Variants in PARP8 observed in about 807,000 individuals in gnomAD.
PARP8 encodes the protein protein mono-ADP-ribosyltransferase PARP8.
PARP8 carries 51 observed loss-of-function variants against 124.1 expected under a neutral mutation model. The ratio of observed to expected loss-of-function variants is 0.41; its 90% CI spans 0.33 to 0.52. The LOEUF is 0.52. PARP8 is among the 20% of genes least tolerant of loss of function. PARP8 has a pLI of 0.21. For missense variants in PARP8, 860 were observed against 1,018.9 expected, an observed-to-expected ratio of 0.84 and a Z score of 2.12; for synonymous variants, 391 against 361.5, an observed-to-expected ratio of 1.08 and a Z score of -0.93.
chr5:50,735,100 G>C (rs919231258), intron 2 of PARP8, among the ~76,000 whole-genome samples: 10 of 152,024 alleles, frequency 6.6e-5, no homozygotes, highest in African/African-American at 2.2e-4. Flanking sequence ...TGCTTCTCTT[G>C]TGTGTTAGTA....
chr5:50,695,080 A>G (rs906663301), intron 2 of PARP8, among the ~76,000 whole-genome samples: 2 of 152,176 alleles, frequency 1.3e-5, no homozygotes, highest in African/African-American at 2.4e-5. Flanking sequence ...CCACTGACTC[A>G]AATGTTCATC....
chr5:50,827,920 GT>G (rs778559044), intron 19 of PARP8, 23 bp from the exon 20 acceptor site: 3 of 1,505,202 alleles, frequency 2.0e-6, no homozygotes, highest in Non-Finnish European at 2.8e-6. Flanking sequence ...ACATGTTTTT[GT>G]TTGTCTTTAT....
At chr5:50,771,351 G>T (rs1280900655) in intron 7 of PARP8, among the ~76,000 whole-genome samples, 1 of 151,760 alleles carries the variant, frequency 6.6e-6, no homozygotes, top group African/African-American at 2.4e-5. Flanking sequence ...TAGAGACGGG[G>T]TTTCACCATG....
intron 20 of PARP8, 44 bp from the exon 21 acceptor site, chr5:50,828,268 T>C: frequency 6.4e-7 from 1 of 1,557,372 alleles, no homozygotes; most frequent in South Asian, 1.1e-5. Context: ...TTGAAGATAA[T>C]TAATTTTCTG....
intron 7 of PARP8, among the ~76,000 whole-genome samples, chr5:50,775,012 G>A (rs154133): frequency 0.1 from 15,666 of 150,400 alleles, 820 homozygotes; most frequent in South Asian, 0.16. Flanking sequence ...CGGCCAGGCA[G>A]AGACGCTCCT....
At position 50,845,210 on chromosome 5, in the gene PARP8, G is replaced by A. The variant is rs1313573736; in HGVS notation, c.*3142G>A. The A allele has an allele frequency of 4.6e-5, 7 of 151,516 alleles. No individual in the cohort carries two copies. Among genetic ancestry groups the A allele is most frequent in the Non-Finnish European group, 3.0e-5 (2 of 67,718 alleles). 9.4% of individuals were successfully genotyped at this position (151,516 alleles called of 1,614,324 possible). ...TCTATGAATCTTTAAATAACTGAAG[G>A]AATTTTAGCAGTACTTTGTATAATA... On this transcript the variant is annotated 3_prime_UTR_variant, in exon 26 of 26. Coordinates refer to ENST00000281631, the MANE Select transcript of PARP8 (RefSeq NM_024615.4).
intron 2 of PARP8, among the ~76,000 whole-genome samples, chr5:50,687,729 C>T (rs1478092953): frequency 6.6e-6 from 1 of 152,086 alleles, no homozygotes; most frequent in African/African-American, 2.4e-5. Context: ...GAGGCTTGTG[C>T]AGGAAAACTC....
In PARP8 at chr5:50,816,088, G is replaced by C. The variant is rs75409576; in HGVS notation, c.1668+564G>C. 5.5e-3 allele frequency among the ~76,000 whole-genome samples: 841 copies of C among 151,954 alleles called. 6 individuals carry two copies. The highest frequency in any genetic ancestry group is 0.019 in the African/African-American group (788 of 41,438). The stretch of plus-strand genomic sequence containing the variant: ...AAAAATTAATGAACATTAATTAAGA[G>C]AGACTAGACCAACCACATACAGAAA... On this transcript the variant is annotated intron_variant, in intron 15 of 25. Coordinates refer to ENST00000281631, the MANE Select transcript of PARP8 (RefSeq NM_024615.4).
At chr5:50,764,087 C>G (rs369300239) in intron 7 of PARP8, among the ~76,000 whole-genome samples, 6 of 152,354 alleles carry the variant, frequency 3.9e-5, no homozygotes, top group African/African-American at 1.2e-4. Flanking sequence ...CAGCTTCTCT[C>G]TGAGCCTTCT....
chr5:50,705,330 A>C (rs1380026932), intron 2 of PARP8, among the ~76,000 whole-genome samples: 1 of 152,228 alleles, frequency 6.6e-6, no homozygotes, highest in African/African-American at 2.4e-5. Flanking sequence ...GGGCAAAGAA[A>C]TAGGGATAGA....
intron 2 of PARP8, among the ~76,000 whole-genome samples, chr5:50,680,753 T>G (rs1381025557): frequency 6.6e-6 from 1 of 152,104 alleles, no homozygotes. Flanking sequence ...CTGGAAGCCA[T>G]GTGGTAAGAA....
chr5:50,688,684 G>A (rs1162601066), intron 2 of PARP8, among the ~76,000 whole-genome samples: 1 of 152,094 alleles, frequency 6.6e-6, no homozygotes, highest in Non-Finnish European at 1.5e-5. Flanking sequence ...AATTATGAAA[G>A]TTCTCAATTA....
At chr5:50,685,909 C>T (rs1751807426) in intron 2 of PARP8, among the ~76,000 whole-genome samples, 1 of 152,180 alleles carries the variant, frequency 6.6e-6, no homozygotes, top group Non-Finnish European at 1.5e-5. Context: ...TCAATTACTT[C>T]CCACTGGGTC....
intron 14 of PARP8, among the ~76,000 whole-genome samples, chr5:50,814,129 T>C (rs963061529): frequency 6.6e-6 from 1 of 152,146 alleles, no homozygotes; most frequent in African/African-American, 2.4e-5. Context: ...TTTCATTGTA[T>C]TGAAGCACCA....
chr5:50,798,279 A>G (rs1742781129), intron 14 of PARP8, among the ~76,000 whole-genome samples: 1 of 152,232 alleles, frequency 6.6e-6, no homozygotes, highest in African/African-American at 2.4e-5. Context: ...CTGTTTCAAC[A>G]GTGGCTGCAT....
At chr5:50,696,230 T>G (rs1240244978) in intron 2 of PARP8, among the ~76,000 whole-genome samples, 1 of 152,156 alleles carries the variant, frequency 6.6e-6, no homozygotes, top group Non-Finnish European at 1.5e-5. Context: ...TTTGGGCTGT[T>G]TTACAGAAAT....
chr5:50,677,454 C>A (rs577954255), intron 2 of PARP8, among the ~76,000 whole-genome samples: 1 of 152,112 alleles, frequency 6.6e-6, no homozygotes, highest in Non-Finnish European at 1.5e-5. Context: ...GAATAATTCA[C>A]TGTGAGACAA....
rs1742275218 is a variant in PARP8 at position 50,794,283 on chromosome 5, T to G, written c.814T>G (p.Ser272Ala). The part of the protein sequence containing the change: ...KSNCLHNKKL[S>A]EKKVKSPLHL... ...CAATTGCCTGCACAATAAAAAGTTG[T>G]CAGAGAAGAAAGTGAAGTCTCCCCT... The change falls in exon 11 of 26, where the codon TCA (serine) becomes GCA (alanine). Residue 272 changes from serine (S) to alanine (A), a missense_variant. By Grantham distance (99) the Ser-to-Ala change is moderately conservative (BLOSUM62 1). Around this residue, in one of 2 missense-constraint regions of PARP8, gnomAD observed 517 missense variants for 544.2 expected, o/e 0.95. Transcript: ENST00000281631. 6.2e-7 allele frequency: 1 copy of G among 1,613,572 alleles called. No homozygotes were observed.
intron 2 of PARP8, among the ~76,000 whole-genome samples, chr5:50,692,713 A>C (rs917263197): frequency 6.6e-6 from 1 of 152,004 alleles, no homozygotes; most frequent in African/African-American, 2.4e-5. Context: ...TTTTCCCTCT[A>C]ATCCATTAGA....
Sources: allele counts gnomAD v4.1 joint callset (sites outside exome capture counted in the v4.1 genomes callset), GRCh38; gene constraint gnomAD v4.1.1; regional missense constraint gnomAD v4.1.1; transcripts MANE v1.5; gene names NCBI Gene and HGNC (gene_info 2026-07-23, HGNC 2026-07-21).